The following TMEM176A variants were observed in gnomAD, a reference collection of about 807,000 sequenced individuals.
TMEM176A encodes hepatocellular carcinoma-associated antigen 112.
A neutral mutation model predicts 27.9 loss-of-function variants in TMEM176A; 20 were observed. The observed-to-expected ratio is 0.72, with a 90% CI of 0.50 to 1.04. TMEM176A has a LOEUF of 1.04. Ranked by LOEUF, TMEM176A falls within the 50% of genes least tolerant of loss-of-function variation. TMEM176A has a pLI of 0.00. For missense variants in TMEM176A, 252 were observed against 289.1 expected (o/e 0.87, Z 0.93); for synonymous variants, 125 against 118.0 (o/e 1.06, Z -0.38).
chr7:150,801,687 A>C lies in TMEM176A; in HGVS notation c.137A>C (p.Gln46Pro), dbSNP rs761149226. The C allele has an allele frequency of 8.8e-6, 14 of 1,589,460 alleles. No homozygotes were observed. In the South Asian group the frequency reaches 1.6e-4, roughly 18 times the overall value. Reference protein sequence around the residue: ...CCSALRPRATQARGSSRLLVA... With the variant: ...CCSALRPRATPARGSSRLLVA... Reference sequence around the variant, plus strand: ...TCTGCGCTGCGGCCCCGGGCCACCCAGGCCAGGGGCAGCAGCCGGCTGCTG... The same window carrying C: ...TCTGCGCTGCGGCCCCGGGCCACCCCGGCCAGGGGCAGCAGCCGGCTGCTG... Residue 46 changes from glutamine (Q) to proline (P), a missense_variant, in exon 2 of 7, where the codon CAG (glutamine) becomes CCG (proline). Transcript: ENST00000004103.
chr7:150,800,859 C>CT (rs1554406787), intron 1 of TMEM176A, 31 bp downstream of exon 1: 9 of 963,456 alleles, frequency 9.3e-6, no homozygotes, highest in Non-Finnish European at 1.1e-5. Flanking sequence ...CGGCGGCCCC[C>CT]GGGCCTCCTT....
chr7:150,802,364 G>T, intron 3 of TMEM176A, 39 bp downstream of exon 3: 4 of 1,564,262 alleles, frequency 2.6e-6, no homozygotes, highest in Non-Finnish European at 3.5e-6. Context: ...CCTGTGAGAG[G>T]GGTGGGGCAT....
intron 3 of TMEM176A, chr7:150,802,874 C>G (rs1189278519): frequency 8.1e-6 from 8 of 988,076 alleles, no homozygotes; most frequent in African/African-American, 3.5e-5. Flanking sequence ...CTTCACCCAG[C>G]CTGTGGCAAA....
chr7:150,802,239 T>C lies in TMEM176A; in HGVS notation c.199T>C (p.Leu67=). 6.2e-7 allele frequency: 1 copy of C among 1,614,064 alleles called. No individual in the cohort carries two copies. Among genetic ancestry groups the C allele is most frequent in the South Asian group, 1.1e-5 (1 of 91,074 alleles). Residue 67 remains leucine, a synonymous_variant, in exon 3 of 7, where the codon TTG becomes CTG. Transcript: ENST00000004103. ...SWVMQIVLGI[L]SAVLGGFFYI... ...GGTGATGCAGATCGTGCTGGGGATC[T>C]TGAGTGCAGTCCTAGGAGGATTTTT...
At chr7:150,801,428 TTCA>T (rs1228883051) in intron 1 of TMEM176A, 105 bp from the exon 2 acceptor site, 7 of 1,142,228 alleles carry the variant, frequency 6.1e-6, no homozygotes, top group Non-Finnish European at 8.7e-6. Context: ...AGGACAGCCA[TTCA>T]TTGGGTGACT....
In TMEM176A at chr7:150,802,241, G is replaced by A. The variant is rs768301241; in HGVS notation, c.201G>A (p.Leu67=). 2 of 1,614,040 alleles carry A rather than the reference G, an allele frequency of 1.2e-6. No homozygotes were observed. Among genetic ancestry groups the A allele is most frequent in the African/African-American group, 1.3e-5 (1 of 75,014 alleles). The change falls in exon 3 of 7, where the codon TTG becomes TTA. Residue 67 remains leucine (L), a synonymous_variant. Coordinates refer to ENST00000004103, the MANE Select transcript of TMEM176A (RefSeq NM_018487.3). ...SWVMQIVLGI[L]SAVLGGFFYI... is the part of the protein sequence containing the mutation. ...TGATGCAGATCGTGCTGGGGATCTT[G>A]AGTGCAGTCCTAGGAGGATTTTTCT...
At chr7:150,801,850 G>A (rs1798805479) in intron 2 of TMEM176A, 126 bp downstream of exon 2, 3 of 1,011,800 alleles carry the variant, frequency 3.0e-6, no homozygotes, top group Admixed American at 5.9e-5. Context: ...ACTTAGCGAT[G>A]TGATTCTCTG....
At chr7:150,801,479 T>G in intron 1 of TMEM176A, 57 bp from the exon 2 acceptor site, 18 of 1,526,606 alleles carry the variant, frequency 1.2e-5, no homozygotes, top group Non-Finnish European at 1.4e-5. Context: ...CCAACTCCAA[T>G]GAAATCTGCG....
intron 3 of TMEM176A, 60 bp from the exon 4 acceptor site, chr7:150,803,340 T>C: frequency 1.3e-6 from 2 of 1,513,328 alleles, no homozygotes; most frequent in Non-Finnish European, 1.8e-6. Context: ...GGAGGCTCTC[T>C]CGTGGGAGAG....
At chr7:150,801,968 C>T (rs1373257558) in intron 2 of TMEM176A, 1 of 618,310 alleles carries the variant, frequency 1.6e-6, no homozygotes, top group African/African-American at 1.8e-5. Context: ...CCATCCTTTC[C>T]TCTGGGCCAA....
At chr7:150,801,079 C>A in intron 1 of TMEM176A, 2 of 815,498 alleles carry the variant, frequency 2.5e-6, no homozygotes, top group South Asian at 5.6e-5. Flanking sequence ...GGGAGGTCGG[C>A]GGTGGCGGGG....
At chr7:150,801,477 A>G in intron 1 of TMEM176A, 59 bp from the exon 2 acceptor site, 1 of 1,526,052 alleles carries the variant, frequency 6.6e-7, no homozygotes, top group Non-Finnish European at 8.8e-7. Context: ...CCCCAACTCC[A>G]ATGAAATCTG....
chr7:150,801,504 G>A (rs763140280), intron 1 of TMEM176A, 32 bp from the exon 2 acceptor site: 10 of 1,538,834 alleles, frequency 6.5e-6, no homozygotes, highest in Non-Finnish European at 7.8e-6. Flanking sequence ...TCTTCTGACA[G>A]CCGTTCCTCT....
At position 150,804,893 on chromosome 7, in the gene TMEM176A, C is replaced by A; in HGVS notation, c.*25C>A. On this transcript the variant is annotated 3_prime_UTR_variant, in exon 7 of 7. Transcript: ENST00000004103. ...GCCATGCCTCTCCTGATTATTAGTG[C>A]CTGGTGCTTCTGCACCGGGCGTCCC... is the stretch of plus-strand genomic sequence containing the variant. The A allele has an allele frequency of 6.2e-7, 1 of 1,613,264 alleles. No homozygotes were observed. Among genetic ancestry groups the A allele is most frequent in the Non-Finnish European group, 8.5e-7 (1 of 1,179,234 alleles).
chr7:150,802,949 T>G, intron 3 of TMEM176A: 1 of 989,420 alleles, frequency 1.0e-6, no homozygotes, highest in Non-Finnish European at 1.2e-6. Context: ...TGGGACATAC[T>G]AGATTTCCTG....
At chr7:150,802,105 T>TCTTCTCTTCA in intron 2 of TMEM176A, 110 bp from the exon 3 acceptor site, 1 of 746,066 alleles carries the variant, frequency 1.3e-6, no homozygotes, top group Non-Finnish European at 2.3e-6. Context: ...TCTTCTCTTC[T>TCTTCTCTTCA]TTCTTTCTCT....
intron 1 of TMEM176A, chr7:150,801,285 G>A: frequency 2.5e-6 from 1 of 397,822 alleles, no homozygotes; most frequent in Non-Finnish European, 4.4e-6. Flanking sequence ...GGAGGATGAG[G>A]GGGACAGAGC....
intron 3 of TMEM176A, chr7:150,802,688 C>T (rs1368722021): frequency 1.9e-6 from 2 of 1,076,314 alleles, no homozygotes; most frequent in African/African-American, 1.7e-5. Context: ...AGCATCACCC[C>T]CTGGTTATTC....
chr7:150,800,921 C>T, intron 1 of TMEM176A, 93 bp downstream of exon 1: 1 of 985,578 alleles, frequency 1.0e-6, no homozygotes. Context: ...TAGGAGGGAC[C>T]CCCACCCAGG....
Sources: gnomAD v4.1 joint callset for allele counts on GRCh38, gnomAD v4.1.1 for gene constraint, MANE v1.5 for transcripts, NCBI Gene and HGNC (gene_info 2026-07-23, HGNC 2026-07-21) for gene names.